The following ASIC2 variants were observed in gnomAD, a reference collection of about 807,000 sequenced individuals.
ASIC2 encodes the protein acid sensing ion channel subunit 2, also known as acid-sensing ion channel 2.
A neutral mutation model predicts 57.3 loss-of-function variants in ASIC2; 25 were observed. The ratio of observed to expected loss-of-function variants is 0.44; its 90% CI spans 0.32 to 0.61. The LOEUF (loss-of-function observed/expected upper bound fraction) is 0.61. Ranked by LOEUF, ASIC2 falls within the 20% of genes least tolerant of loss-of-function variation. The pLI, the probability that ASIC2 is intolerant of heterozygous loss-of-function variation, is 0.06. For missense variants in ASIC2, 641 were observed against 738.1 expected (o/e 0.87, Z 1.52); for synonymous variants, 319 against 307.5 (o/e 1.04, Z -0.39).
At chr17:33,579,177 T>G (rs547585054) in intron 1 of ASIC2, among the ~76,000 whole-genome samples, 6 of 151,470 alleles carry the variant, frequency 4.0e-5, no homozygotes, top group African/African-American at 1.5e-4. Context: ...TCCCAGCTAC[T>G]TGAGAGGCTG....
At chr17:33,431,890 A>C (rs910074319) in intron 1 of ASIC2, among the ~76,000 whole-genome samples, 2 of 152,232 alleles carry the variant, frequency 1.3e-5, no homozygotes, top group African/African-American at 4.8e-5. Flanking sequence ...AAAGAGTATA[A>C]CTATAATGCA....
intron 1 of ASIC2, among the ~76,000 whole-genome samples, chr17:33,314,853 C>G (rs1469315464): frequency 6.6e-6 from 1 of 152,118 alleles, no homozygotes; most frequent in African/African-American, 2.4e-5. Context: ...ATAGCTTGGA[C>G]CAGACCTTTC....
At chr17:33,032,440 GTTTTTTTTTT>G (rs60183644) in intron 3 of ASIC2, among the ~76,000 whole-genome samples, 38,544 of 94,032 alleles carry the variant, frequency 0.41, 4,846 homozygotes, top group Admixed American at 0.55. Context: ...ATAATACACT[GTTTTTTTTTT>G]TTTTTTTTTT....
chr17:33,846,092 G>A (rs983042455), intron 1 of ASIC2, among the ~76,000 whole-genome samples: 1 of 152,164 alleles, frequency 6.6e-6, no homozygotes, highest in Admixed American at 6.5e-5. Context: ...GGAGACACTG[G>A]ATATAAACAA....
chr17:33,313,552 A>T (rs1250845118), intron 1 of ASIC2, among the ~76,000 whole-genome samples: 2 of 150,368 alleles, frequency 1.3e-5, no homozygotes, highest in South Asian at 4.2e-4. Context: ...CATCACAGGA[A>T]TGTGGACTTT....
At chr17:34,106,019 T>C (rs1023280197) in intron 1 of ASIC2, among the ~76,000 whole-genome samples, 4 of 152,088 alleles carry the variant, frequency 2.6e-5, no homozygotes, top group East Asian at 1.9e-4. Flanking sequence ...TCCTATCTAG[T>C]TGTCAAGTTT....
chr17:33,527,442 C>T (rs887924062), intron 1 of ASIC2, among the ~76,000 whole-genome samples: 3 of 152,100 alleles, frequency 2.0e-5, no homozygotes, highest in Admixed American at 6.6e-5. Context: ...AAGGAACACA[C>T]GTGGTTCCTT....
chr17:33,647,381 T>G (rs1414860707), intron 1 of ASIC2, among the ~76,000 whole-genome samples: 2 of 152,034 alleles, frequency 1.3e-5, no homozygotes, highest in African/African-American at 4.8e-5. Flanking sequence ...ATTTAAATGG[T>G]TGTTGAAAGG....
chr17:34,085,052 G>C (rs57985722), intron 1 of ASIC2, among the ~76,000 whole-genome samples: 30,370 of 151,912 alleles, frequency 0.2, 4,051 homozygotes, highest in African/African-American at 0.38. Flanking sequence ...CCTAATTGCC[G>C]TGGCCAGAAC....
chr17:33,203,038 C>T (rs1230617623), intron 1 of ASIC2, among the ~76,000 whole-genome samples: 3 of 152,196 alleles, frequency 2.0e-5, no homozygotes, highest in Non-Finnish European at 4.4e-5. Flanking sequence ...AAAGGTGGCA[C>T]GTGGTGTCTG....
intron 1 of ASIC2, among the ~76,000 whole-genome samples, chr17:33,602,710 G>A (rs1374999892): frequency 1.3e-5 from 2 of 152,158 alleles, no homozygotes; most frequent in African/African-American, 2.4e-5. Context: ...CTTGCTCACT[G>A]GCTCCAGCCA....
intron 1 of ASIC2, among the ~76,000 whole-genome samples, chr17:33,837,416 C>G (rs1378876559): frequency 1.3e-5 from 2 of 152,230 alleles, no homozygotes; most frequent in Non-Finnish European, 2.9e-5. Flanking sequence ...TATAGATACC[C>G]AGATAGACCT....
intron 1 of ASIC2, among the ~76,000 whole-genome samples, chr17:33,951,223 T>C (rs984706287): frequency 5.9e-5 from 9 of 152,230 alleles, no homozygotes; most frequent in African/African-American, 2.2e-4. Flanking sequence ...GATTTACAAA[T>C]ACTAACTCCT....
chr17:34,073,319 T>C (rs117345424), intron 1 of ASIC2, among the ~76,000 whole-genome samples: 3,036 of 152,316 alleles, frequency 0.02, 49 homozygotes, highest in Admixed American at 0.031. Context: ...CCAATAAAAC[T>C]TTATTTTCAA....
intron 1 of ASIC2, among the ~76,000 whole-genome samples, chr17:34,080,237 T>C (rs952738940): frequency 4.6e-5 from 7 of 152,200 alleles, no homozygotes; most frequent in African/African-American, 1.7e-4. Context: ...ACCACTCAGA[T>C]TCCTCATAAC....
rs1350907869 is a variant in ASIC2 at position 33,471,653 on chromosome 17, C to T, written c.556-359586G>A. Among the ~76,000 whole-genome samples, 3 of 152,216 alleles carry T rather than the reference C, an allele frequency of 2.0e-5. No individual in the cohort carries two copies. The East Asian group carries it at 5.8e-4, about 29-fold the overall frequency. ...GAAGGAATCTTTATGGAAGGAGATA[C>T]TGCCTTTTCTCCGCAGGAATGGCCA... On this transcript the variant is annotated intron_variant, in intron 1 of 9. Coordinates refer to the ASIC2 transcript ENST00000359872.
chr17:33,463,118 T>G (rs936170112), intron 1 of ASIC2, among the ~76,000 whole-genome samples: 5 of 152,262 alleles, frequency 3.3e-5, no homozygotes, highest in African/African-American at 1.2e-4. Flanking sequence ...TTTTGAATTA[T>G]AGTCTCAGAT....
chr17:34,153,726 A>C (rs1299385527), intron 1 of ASIC2, among the ~76,000 whole-genome samples: 3 of 152,168 alleles, frequency 2.0e-5, no homozygotes, highest in Non-Finnish European at 4.4e-5. Context: ...CCCCCTTTTC[A>C]ATGATGGGGA....
intron 3 of ASIC2, among the ~76,000 whole-genome samples, chr17:33,034,959 A>G (rs1216797362): frequency 6.6e-6 from 1 of 152,146 alleles, no homozygotes; most frequent in Non-Finnish European, 1.5e-5. Flanking sequence ...ACTTATATGC[A>G]TGTTGGAGTA....
Sources: allele counts gnomAD v4.1 joint callset (sites outside exome capture counted in the v4.1 genomes callset), GRCh38; gene constraint gnomAD v4.1.1; transcripts MANE v1.5; gene names NCBI Gene and HGNC (gene_info 2026-07-23, HGNC 2026-07-21).